P2RY12: variants seen among roughly 807,000 people sequenced by gnomAD.
The protein encoded by P2RY12 is purinergic receptor P2Y12.
A neutral mutation model predicts 4.5 loss-of-function variants in P2RY12; 3 were observed. That is an observed-to-expected ratio of 0.67 (90% CI 0.31 to 1.74). The LOEUF (loss-of-function observed/expected upper bound fraction) is 1.74. Ranked by LOEUF, P2RY12 falls within the 40% of genes most tolerant of loss-of-function variation. P2RY12 has a pLI of 0.09. For missense variants in P2RY12, 356 were observed against 407.8 expected (o/e 0.87, Z 1.09); for synonymous variants, 148 against 154.1 (o/e 0.96, Z 0.29).
chr3:151,367,733 C>T, intron 1 of P2RY12: 1 of 1,611,244 alleles, frequency 6.2e-7, no homozygotes, highest in Non-Finnish European at 8.5e-7. Context: ...GGACGTCGTG[C>T]AGCATGTCGC....
rs1326912932 is a variant in P2RY12, at chr3:151,336,873, T to C, written c.*944A>G. On this transcript the variant is annotated 3_prime_UTR_variant, in exon 3 of 3. Coordinates refer to ENST00000302632, the MANE Select transcript of P2RY12 (RefSeq NM_022788.5). ...TTTAGAGTTTAATGTAAATTTTGTA[T>C]TTTATACACACCAATACAAACAAGT... 1 of 193,092 alleles carries C rather than the reference T, an allele frequency of 5.2e-6. No individual in the cohort carries two copies. The highest frequency in any genetic ancestry group is 2.4e-5 in the African/African-American group (1 of 42,038). The allele number at this position is 193,092 out of a possible 1,614,324, so 12.0% of individuals were successfully genotyped here.
intron 1 of P2RY12, among the ~76,000 whole-genome samples, chr3:151,366,996 T>C (rs1755362332): frequency 6.6e-6 from 1 of 152,226 alleles, no homozygotes; most frequent in African/African-American, 2.4e-5. Flanking sequence ...CCTTGGCATA[T>C]GGTGCGAATC....
At chr3:151,371,139 T>C (rs1359021901) in intron 1 of P2RY12, among the ~76,000 whole-genome samples, 1 of 152,192 alleles carries the variant, frequency 6.6e-6, no homozygotes, top group Non-Finnish European at 1.5e-5. Context: ...GTTTTTTCTC[T>C]TTCTTTTCTT....
At chr3:151,383,985 G>A in intron 1 of P2RY12, 1 of 1,485,324 alleles carries the variant, frequency 6.7e-7, no homozygotes, top group Non-Finnish European at 9.2e-7. Flanking sequence ...TATTTACTTG[G>A]ATGCTATTAA....
At chr3:151,355,026 T>C in intron 1 of P2RY12, 1 of 832,284 alleles carries the variant, frequency 1.2e-6, no homozygotes, top group Non-Finnish European at 2.0e-6. Flanking sequence ...TGCACTTTTC[T>C]GTATGTATGC....
In P2RY12 at chr3:151,337,964, A is replaced by G; in HGVS notation, c.882T>C (p.Asp294=). 6.2e-7 allele frequency: 1 copy of G among 1,614,148 alleles called. No homozygotes were observed. Among genetic ancestry groups the G allele is most frequent in the Non-Finnish European group, 8.5e-7 (1 of 1,180,016 alleles). ...TGCAAAGGAAAAAATAGATGAACGG[A>G]TCCAGGCATGCATTTAAGGAAGTTA... The part of the protein sequence containing the change: ...LWLTSLNACL[D]PFIYFFLCKS... Residue 294 remains aspartate (D), a synonymous_variant, in exon 3 of 3, where the codon GAT becomes GAC. Coordinates refer to ENST00000302632, the MANE Select transcript of P2RY12 (RefSeq NM_022788.5).
chr3:151,340,371 TTATTTC>T, intron 2 of P2RY12, among the ~76,000 whole-genome samples: 1 of 152,332 alleles, frequency 6.6e-6, no homozygotes, highest in South Asian at 2.1e-4. Flanking sequence ...CATTTATATT[TTATTTC>T]TATGCTTTGT....
chr3:151,367,528 C>A, intron 1 of P2RY12: 2 of 839,288 alleles, frequency 2.4e-6, no homozygotes, highest in Non-Finnish European at 3.6e-6. Flanking sequence ...TTTCCCTCTG[C>A]TGGTTCATGT....
intron 2 of P2RY12, among the ~76,000 whole-genome samples, chr3:151,339,269 C>T (rs544421972): frequency 1.3e-5 from 2 of 151,982 alleles, no homozygotes; most frequent in South Asian, 2.1e-4. Context: ...ACTTTTCCCC[C>T]CAACGTCCTT....
At chr3:151,377,067 C>T (rs773748318) in intron 1 of P2RY12, 1 of 1,613,956 alleles carries the variant, frequency 6.2e-7, no homozygotes, top group East Asian at 2.2e-5. Flanking sequence ...TTCCAGCAGT[C>T]TGCAGACCTA....
chr3:151,380,276 A>G, intron 1 of P2RY12: 1 of 1,246,572 alleles, frequency 8.0e-7, no homozygotes. Context: ...AACGGCATTC[A>G]TTTATTTGCC....
chr3:151,378,615 A>C (rs1329727783), intron 1 of P2RY12, among the ~76,000 whole-genome samples: 7 of 152,116 alleles, frequency 4.6e-5, no homozygotes, highest in Non-Finnish European at 1.0e-4. Flanking sequence ...TCTAGACTAG[A>C]CATTAAGACT....
rs1458156084 is a variant in P2RY12, at chr3:151,337,151, C to T, written c.*666G>A. The T allele has an allele frequency of 1.3e-5, 2 of 151,996 alleles. No homozygotes were observed. The highest frequency in any genetic ancestry group is 1.9e-4 in the East Asian group (1 of 5,178). 9.4% of individuals were successfully genotyped at this position (151,996 alleles called of 1,614,324 possible). A position where few individuals can be genotyped will look rare whatever the true frequency, so the allele number is the denominator to read the frequency against. ...GTATTAGAATGTCATAAAAGTAAGT[C>T]TCCTTATTTTAATGACTTCGATATT... On this transcript the variant is annotated 3_prime_UTR_variant, in exon 3 of 3. Transcript: ENST00000302632.
rs992642214 is a variant in P2RY12 at position 151,369,618 on chromosome 3, G to T, written c.-180+15074C>A. Reference sequence around the variant, plus strand: ...ATGAAGGCAAAATAATTTATTTTCAGGTTTAAATCTAGTAGTATTATTGGA... The same window carrying T: ...ATGAAGGCAAAATAATTTATTTTCATGTTTAAATCTAGTAGTATTATTGGA... On this transcript the variant is annotated intron_variant, in intron 1 of 2. Coordinates refer to ENST00000302632, the MANE Select transcript of P2RY12 (RefSeq NM_022788.5). 3.2e-5 allele frequency: 33 copies of T among 1,019,660 alleles called. No homozygotes were observed. In the African/African-American group the frequency reaches 5.2e-4, roughly 16 times the overall value. The allele number at this position is 1,019,660 out of a possible 1,614,324, so 63.2% of individuals were successfully genotyped here. A position where few individuals can be genotyped will look rare whatever the true frequency, so the allele number is the denominator to read the frequency against.
At chr3:151,381,556 G>A (rs911141760) in intron 1 of P2RY12, among the ~76,000 whole-genome samples, 2 of 152,098 alleles carry the variant, frequency 1.3e-5, no homozygotes, top group Admixed American at 6.5e-5. Flanking sequence ...CCCTTTAGGT[G>A]GAAAGATTCC....
chr3:151,348,496 A>C (rs552367621), intron 1 of P2RY12, among the ~76,000 whole-genome samples: 65 of 152,168 alleles, frequency 4.3e-4, no homozygotes, highest in African/African-American at 1.5e-3. Context: ...ATGATTAGGA[A>C]TATCTTTTGA....
At chr3:151,381,338 T>C (rs1470640347) in intron 1 of P2RY12, among the ~76,000 whole-genome samples, 1 of 152,236 alleles carries the variant, frequency 6.6e-6, no homozygotes, top group Non-Finnish European at 1.5e-5. Flanking sequence ...AGTGAACCTT[T>C]TTAAATGGAA....
intron 1 of P2RY12, among the ~76,000 whole-genome samples, chr3:151,359,855 T>G (rs902876688): frequency 6.6e-6 from 1 of 152,116 alleles, no homozygotes; most frequent in South Asian, 2.1e-4. Context: ...CTGTGTTGTA[T>G]GGACTGTGGA....
intron 1 of P2RY12, among the ~76,000 whole-genome samples, chr3:151,354,047 A>G (rs1374793196): frequency 2.0e-5 from 3 of 146,752 alleles, no homozygotes; most frequent in Non-Finnish European, 4.5e-5. Flanking sequence ...AGGCTGAGGC[A>G]GGAGAATGGC....
Sources: allele counts gnomAD v4.1 joint callset (sites outside exome capture counted in the v4.1 genomes callset), GRCh38; gene constraint gnomAD v4.1.1; transcripts MANE v1.5; gene names NCBI Gene and HGNC (gene_info 2026-07-23, HGNC 2026-07-21).